LAMA2: variants seen among roughly 807,000 people sequenced by gnomAD.
The protein encoded by LAMA2 is laminin subunit alpha-2.
LAMA2 carries 269 observed loss-of-function variants against 364.8 expected under a neutral mutation model. The observed-to-expected ratio is 0.74, with a 90% CI of 0.67 to 0.82. The LOEUF (loss-of-function observed/expected upper bound fraction) is 0.82. Ranked by LOEUF, LAMA2 falls within the 40% of genes least tolerant of loss-of-function variation. The pLI is 0.00. For missense variants in LAMA2, 3,807 were observed against 3,873.2 expected (o/e 0.98, Z 0.45); for synonymous variants, 1,379 against 1,370.6 (o/e 1.01, Z -0.14).
intron 1 of LAMA2, among the ~76,000 whole-genome samples, chr6:129,010,819 G>T (rs1160831977): frequency 1.3e-5 from 2 of 152,188 alleles, no homozygotes; most frequent in Non-Finnish European, 2.9e-5. Context: ...CTGTAGAGAA[G>T]GTGAATGGTA....
intron 22 of LAMA2, among the ~76,000 whole-genome samples, chr6:129,310,788 C>T (rs948312827): frequency 2.6e-5 from 4 of 152,258 alleles, no homozygotes; most frequent in Admixed American, 1.3e-4. Context: ...TGCTCCTTCT[C>T]CCCACTTGCA....
At chr6:129,113,949 T>C (rs1056449665) in intron 4 of LAMA2, among the ~76,000 whole-genome samples, 4 of 152,040 alleles carry the variant, frequency 2.6e-5, no homozygotes, top group African/African-American at 9.7e-5. Flanking sequence ...GGTGCCTAAC[T>C]TCCTTTCGTT....
chr6:129,505,205 G>T lies in LAMA2; in HGVS notation c.8553G>T (p.Lys2851Asn), dbSNP rs763572005. 14 of 1,613,640 alleles carry T rather than the reference G, an allele frequency of 8.7e-6. No homozygotes were observed. In the South Asian group the frequency reaches 1.4e-4, roughly 16 times the overall value. ...KINDGQWHKI[K>N]IMRSKQEGIL... Reference sequence around the variant, plus strand: ...GACTCCTTTCTTTTTTGTAGATTAAGATAATGAGAAGTAAGCAAGAAGGAA... The same window carrying T: ...GACTCCTTTCTTTTTTGTAGATTAATATAATGAGAAGTAAGCAAGAAGGAA... Residue 2851 changes from lysine to asparagine, a missense_variant, in exon 61 of 65, where the codon AAG becomes AAT. Coordinates refer to ENST00000421865, the MANE Select transcript of LAMA2 (RefSeq NM_000426.4).
At chr6:129,394,114 C>T (rs1779476055) in intron 37 of LAMA2, among the ~76,000 whole-genome samples, 1 of 152,102 alleles carries the variant, frequency 6.6e-6, no homozygotes, top group East Asian at 1.9e-4. Flanking sequence ...TAAGAGTAAA[C>T]TCAGCACATA....
intron 1 of LAMA2, among the ~76,000 whole-genome samples, chr6:128,893,317 A>T (rs376005844): frequency 6.6e-6 from 1 of 152,018 alleles, no homozygotes; most frequent in East Asian, 1.9e-4. Context: ...CTTAGGCATC[A>T]TTGGTTATGA....
chr6:128,956,805 G>A (rs1781176642), intron 1 of LAMA2, among the ~76,000 whole-genome samples: 1 of 148,622 alleles, frequency 6.7e-6, no homozygotes, highest in African/African-American at 2.6e-5. Context: ...AGGTCACGAA[G>A]AAGGTATTTT....
At chr6:129,410,386 C>T (rs1392758551) in intron 40 of LAMA2, among the ~76,000 whole-genome samples, 2 of 151,852 alleles carry the variant, frequency 1.3e-5, no homozygotes, top group African/African-American at 2.4e-5. Context: ...CCTCTTTCTT[C>T]TGTTCCTCTT....
rs1248093546 is a variant in LAMA2 at position 129,315,841 on chromosome 6, C to T, written c.3815C>T (p.Pro1272Leu). ...GAAACAGGTTTCTCTACATATAATC[C>T]TCAAGTGATCATTCGAGGTGGGACA... is the stretch of plus-strand genomic sequence containing the variant. ...REETGFSTYN[P>L]QVIIRGGTPT... Residue 1272 changes from proline to leucine, a missense_variant, in exon 26 of 65, where the codon CCT (proline) becomes CTT (leucine). Physicochemically the swap from Pro to Leu is moderately conservative, Grantham distance 98 (BLOSUM62 -3). Coordinates refer to ENST00000421865, the MANE Select transcript of LAMA2 (RefSeq NM_000426.4). The T allele has an allele frequency of 1.2e-6, 2 of 1,613,942 alleles. No homozygotes were observed. Among genetic ancestry groups the T allele is most frequent in the Non-Finnish European group, 1.7e-6 (2 of 1,179,916 alleles).
intron 1 of LAMA2, among the ~76,000 whole-genome samples, chr6:128,888,825 T>A (rs1776289657): frequency 6.6e-6 from 1 of 152,230 alleles, no homozygotes; most frequent in South Asian, 2.1e-4. Flanking sequence ...GTTAAATAAA[T>A]GAATAAAATC....
chr6:129,120,693 G>T (rs1348276109), intron 4 of LAMA2, among the ~76,000 whole-genome samples: 2 of 152,134 alleles, frequency 1.3e-5, no homozygotes, highest in Non-Finnish European at 2.9e-5. Flanking sequence ...TTATTTATCT[G>T]CTATGAAGTG....
At chr6:129,024,955 A>G (rs1366961110) in intron 1 of LAMA2, among the ~76,000 whole-genome samples, 3 of 152,108 alleles carry the variant, frequency 2.0e-5, no homozygotes, top group Non-Finnish European at 4.4e-5. Flanking sequence ...GCAAGACCCT[A>G]TCTCTGAAAA....
At chr6:129,090,147 A>C (rs1774728195) in intron 3 of LAMA2, among the ~76,000 whole-genome samples, 1 of 152,198 alleles carries the variant, frequency 6.6e-6, no homozygotes, top group East Asian at 1.9e-4. Flanking sequence ...TTCTGATATA[A>C]AAATTTTCAA....
At chr6:129,068,412 AGATTCAAT>A (rs1773078355) in intron 3 of LAMA2, among the ~76,000 whole-genome samples, 3 of 152,248 alleles carry the variant, frequency 2.0e-5, no homozygotes, top group Non-Finnish European at 4.4e-5. Context: ...AAGCACTGGC[AGATTCAAT>A]GTCTGGTGAG....
chr6:129,365,286 C>T (rs773968500), intron 32 of LAMA2, among the ~76,000 whole-genome samples: 1 of 152,164 alleles, frequency 6.6e-6, no homozygotes, highest in South Asian at 2.1e-4. Context: ...TAAAGAGGAA[C>T]AGTTGGCAAA....
At position 129,492,392 on chromosome 6, in the gene LAMA2, A is replaced by G. The variant is rs1784916498; in HGVS notation, c.8153A>G (p.Asp2718Gly). ...GRCAHQKLREDEDGAAPAEIV... is the reference protein window; with the variant it reads ...GRCAHQKLREGEDGAAPAEIV... ...TGTGCCCATCAGAAACTCCGTGAAG[A>G]TGAAGATGGAGCAGCTCCAGCTGAA... The change falls in exon 58 of 65, where the codon GAT (aspartate) becomes GGT (glycine). Residue 2718 changes from aspartate to glycine, a missense_variant. Asp to Gly is a moderately conservative substitution (Grantham distance 94). Around this residue, in one of 3 missense-constraint regions of LAMA2, gnomAD observed 3,333 missense variants for 3,345.7 expected, o/e 1.00. Transcript: ENST00000421865. 1.2e-6 allele frequency: 2 copies of G among 1,614,078 alleles called. No individual in the cohort carries two copies. Among genetic ancestry groups the G allele is most frequent in the African/African-American group, 1.3e-5 (1 of 74,944 alleles).
intron 17 of LAMA2, among the ~76,000 whole-genome samples, chr6:129,274,156 T>G (rs1788135236): frequency 6.6e-6 from 1 of 150,750 alleles, no homozygotes; most frequent in Non-Finnish European, 1.5e-5. Context: ...TTAAAACAAT[T>G]TTACATTTAA....
At chr6:129,163,711 T>C (rs900927553) in intron 8 of LAMA2, among the ~76,000 whole-genome samples, 1 of 152,224 alleles carries the variant, frequency 6.6e-6, no homozygotes, top group African/African-American at 2.4e-5. Context: ...TGAGAAAACT[T>C]TGGCCTGTAG....
chr6:129,067,758 C>T (rs1266095651), intron 3 of LAMA2, among the ~76,000 whole-genome samples: 1 of 152,234 alleles, frequency 6.6e-6, no homozygotes, highest in East Asian at 1.9e-4. Context: ...TGAACACTCA[C>T]ACCTGCCTCA....
intron 55 of LAMA2, among the ~76,000 whole-genome samples, chr6:129,483,079 A>G (rs937675703): frequency 3.3e-5 from 5 of 151,422 alleles, no homozygotes; most frequent in Non-Finnish European, 7.4e-5. Flanking sequence ...AAAAAAAAAA[A>G]AAAGAAAAAG....
Sources: allele counts gnomAD v4.1 joint callset (sites outside exome capture counted in the v4.1 genomes callset), GRCh38; gene constraint gnomAD v4.1.1; regional missense constraint gnomAD v4.1.1; transcripts MANE v1.5; gene names NCBI Gene and HGNC (gene_info 2026-07-23, HGNC 2026-07-21).